CDC73: variants seen among roughly 807,000 people sequenced by gnomAD.
CDC73 encodes the protein cell division cycle 73.
In CDC73, 21 loss-of-function variants were observed where a neutral mutation model predicts 83.7. The observed-to-expected ratio is 0.25, with a 90% CI of 0.18 to 0.36. The LOEUF (loss-of-function observed/expected upper bound fraction) is 0.36. Ranked by LOEUF, CDC73 falls within the 10% of genes least tolerant of loss-of-function variation. CDC73 has a pLI of 1.00. For synonymous variants in CDC73, 224 were observed against 212.9 expected (o/e 1.05, Z -0.45); for missense variants, 342 against 653.3 (o/e 0.52, Z 5.19).
At chr1:193,243,990 T>C (rs1677907835) in intron 15 of CDC73, among the ~76,000 whole-genome samples, 2 of 152,318 alleles carry the variant, frequency 1.3e-5, no homozygotes, top group South Asian at 2.1e-4. Flanking sequence ...AAAAGTCAAT[T>C]GTTTTCTCTT....
chr1:193,229,653 G>A (rs991363639), intron 13 of CDC73, among the ~76,000 whole-genome samples: 3 of 152,152 alleles, frequency 2.0e-5, no homozygotes, highest in African/African-American at 4.8e-5. Context: ...TATCCTGAAC[G>A]TACTAAGACA....
At chr1:193,167,446 C>G (rs894970500) in intron 10 of CDC73, among the ~76,000 whole-genome samples, 3 of 152,020 alleles carry the variant, frequency 2.0e-5, no homozygotes, top group African/African-American at 7.3e-5. Flanking sequence ...CAGTCATTTG[C>G]CTTGACTTCT....
At chr1:193,178,427 T>C (rs1278371497) in intron 10 of CDC73, among the ~76,000 whole-genome samples, 1 of 152,154 alleles carries the variant, frequency 6.6e-6, no homozygotes, top group Non-Finnish European at 1.5e-5. Context: ...ATTACTATCT[T>C]TTAAAGATCC....
At chr1:193,139,453 T>C (rs1382164490) in intron 6 of CDC73, among the ~76,000 whole-genome samples, 1 of 152,148 alleles carries the variant, frequency 6.6e-6, no homozygotes, top group Non-Finnish European at 1.5e-5. Context: ...GTTTTGCTCT[T>C]TTTTAAAAAA....
At chr1:193,158,998 A>T (rs1486600836) in intron 10 of CDC73, among the ~76,000 whole-genome samples, 2 of 152,210 alleles carry the variant, frequency 1.3e-5, no homozygotes, top group African/African-American at 4.8e-5. Context: ...TTTTCTAAGA[A>T]GCCATCACGT....
chr1:193,221,683 A>T (rs1347387151), intron 13 of CDC73, among the ~76,000 whole-genome samples: 1 of 152,226 alleles, frequency 6.6e-6, no homozygotes, highest in East Asian at 1.9e-4. Flanking sequence ...GAAATCACAA[A>T]GTAAATTTTA....
chr1:193,221,400 T>C (rs1007572265), intron 13 of CDC73, among the ~76,000 whole-genome samples: 9 of 150,968 alleles, frequency 6.0e-5, no homozygotes, highest in Non-Finnish European at 1.2e-4. Flanking sequence ...TTGTTTTTTG[T>C]TTTTTTTGGC....
At chr1:193,222,051 A>AAT (rs926763527) in intron 13 of CDC73, among the ~76,000 whole-genome samples, 2 of 152,210 alleles carry the variant, frequency 1.3e-5, no homozygotes, top group African/African-American at 4.8e-5. Context: ...AAAAAAAAAT[A>AAT]ATAAAACCCT....
At position 193,234,175 on chromosome 1, in the gene CDC73, TCACACACACACACACACA is replaced by T. The variant is rs71111461; in HGVS notation, c.1316+1050_1316+1067del. Reference sequence around the variant, plus strand: ...TTCTCTCTCTCTCTCTCTCTCTCTCTCACACACACACACACACACACACACACACACACACACACACAC... The same window carrying T: ...TTCTCTCTCTCTCTCTCTCTCTCTCTCACACACACACACACACACACACAC... On this transcript the variant is annotated intron_variant, in intron 14 of 16. Transcript: ENST00000367435. Among the ~76,000 whole-genome samples, 114 of 101,402 alleles carry T rather than the reference TCACACACACACACACACA, an allele frequency of 1.1e-3. 1 individual carries two copies. The East Asian group carries it at 0.021, about 19-fold the overall frequency. 66.5% of individuals were successfully genotyped at this position (101,402 alleles called of 152,430 possible).
At chr1:193,237,976 A>G (rs909335569) in intron 15 of CDC73, among the ~76,000 whole-genome samples, 7 of 152,202 alleles carry the variant, frequency 4.6e-5, no homozygotes, top group African/African-American at 1.7e-4. Context: ...TGAAAGTAAA[A>G]TGTCAACGAG....
At chr1:193,237,852 C>T (rs991342462) in intron 15 of CDC73, among the ~76,000 whole-genome samples, 8 of 152,128 alleles carry the variant, frequency 5.3e-5, no homozygotes. Flanking sequence ...CCAGGATCTG[C>T]AGGTTGGGCC....
Position 193,231,141 on chromosome 1 carries a change from TTCTAGTCATATGATTATAAG to T in CDC73, c.1155-1850_1155-1831del, listed in dbSNP as rs1258058642. ...ATCACTCATTTGTATGTATTTTGCATTCTAGTCATATGATTATAAGTAATTTTGTTTATAAGTTTATAAGT... is the reference window on the plus strand; with the variant it reads ...ATCACTCATTTGTATGTATTTTGCATTAATTTTGTTTATAAGTTTATAAGT... On this transcript the variant is annotated intron_variant, in intron 13 of 16. Transcript: ENST00000367435. 4.6e-5 allele frequency among the ~76,000 whole-genome samples: 7 copies of T among 152,320 alleles called. No homozygotes were observed. The East Asian group carries it at 1.2e-3, about 25-fold the overall frequency.
chr1:193,215,592 G>GT (rs780470013), intron 13 of CDC73, among the ~76,000 whole-genome samples: 2,151 of 141,252 alleles, frequency 0.015, 17 homozygotes, highest in South Asian at 0.038. Flanking sequence ...ATTAACACAG[G>GT]TTTTTTTTTT....
Position 193,233,023 on chromosome 1 carries a change from A to G in CDC73, c.1185A>G (p.Gln395=), listed in dbSNP as rs116358657. ...TCCCATCAGATGAAAAGAAGAAACAAGGTTGTCAACGAGAAAATGAAACTC... is the reference window on the plus strand; with the variant it reads ...TCCCATCAGATGAAAAGAAGAAACAGGGTTGTCAACGAGAAAATGAAACTC... ...KFVPSDEKKK[Q]GCQRENETLI... The change falls in exon 14 of 17, where the codon CAA becomes CAG. Residue 395 remains glutamine, a synonymous_variant. Coordinates refer to ENST00000367435, the MANE Select transcript of CDC73 (RefSeq NM_024529.5). The G allele has an allele frequency of 9.0e-4, 1,455 of 1,614,002 alleles. 9 individuals carry two copies. In the African/African-American group the frequency reaches 0.017, roughly 19 times the overall value.
chr1:193,195,284 G>A (rs1378861696), intron 10 of CDC73, among the ~76,000 whole-genome samples: 2 of 151,810 alleles, frequency 1.3e-5, no homozygotes, highest in Non-Finnish European at 1.5e-5. Context: ...AGCCTATTTC[G>A]TTTAGCGTAA....
At chr1:193,159,431 C>T (rs565696820) in intron 10 of CDC73, among the ~76,000 whole-genome samples, 9 of 152,202 alleles carry the variant, frequency 5.9e-5, no homozygotes, top group East Asian at 1.9e-4. Flanking sequence ...AGTGCGGTAG[C>T]GTGATCTCAG....
chr1:193,181,066 G>A, intron 10 of CDC73: 1 of 1,614,002 alleles, frequency 6.2e-7, no homozygotes, highest in Non-Finnish European at 8.5e-7. Flanking sequence ...AGCTCTTCTA[G>A]CTTCTATTTG....
intron 13 of CDC73, among the ~76,000 whole-genome samples, chr1:193,223,120 G>A (rs945460984): frequency 3.3e-5 from 5 of 151,840 alleles, no homozygotes; most frequent in African/African-American, 1.2e-4. Flanking sequence ...TATTTTCTAA[G>A]CCTTGGTTTT....
At chr1:193,163,252 T>C (rs1676374493) in intron 10 of CDC73, among the ~76,000 whole-genome samples, 1 of 151,836 alleles carries the variant, frequency 6.6e-6, no homozygotes. Flanking sequence ...ATGCCTGTAA[T>C]CCCTGCACTT....
Sources: gnomAD v4.1 joint callset for allele counts (sites outside exome capture counted in the v4.1 genomes callset) on GRCh38, gnomAD v4.1.1 for gene constraint, MANE v1.5 for transcripts, NCBI Gene and HGNC (gene_info 2026-07-23, HGNC 2026-07-21) for gene names.